Variants in STK3 observed in about 807,000 individuals in gnomAD.
The protein encoded by STK3 is serine/threonine kinase 3.
In STK3, 41 loss-of-function variants were observed where a neutral mutation model predicts 58.0. That is an observed-to-expected ratio of 0.71 (90% confidence interval 0.55 to 0.92). The LOEUF is 0.92. Ranked by LOEUF, STK3 falls within the 40% of genes least tolerant of loss-of-function variation. STK3 has a pLI of 0.00. For missense variants in STK3, 479 were observed against 602.7 expected, an observed-to-expected ratio of 0.79 and a Z score of 2.15; for synonymous variants, 170 against 191.0, an observed-to-expected ratio of 0.89 and a Z score of 0.91.
At chr8:98,759,320 A>C (rs1482653076) in intron 3 of STK3, among the ~76,000 whole-genome samples, 1 of 151,550 alleles carries the variant, frequency 6.6e-6, no homozygotes, top group African/African-American at 2.4e-5. Flanking sequence ...TTGTGTCTCA[A>C]GGAATAGGAA....
intron 2 of STK3, among the ~76,000 whole-genome samples, chr8:98,373,978 G>A (rs900256486): frequency 2.6e-5 from 4 of 152,124 alleles, no homozygotes; most frequent in Non-Finnish European, 5.9e-5. Flanking sequence ...GATTTATGGA[G>A]GCCTCTGTTT....
intron 10 of STK3, among the ~76,000 whole-genome samples, chr8:98,514,137 C>T (rs762174410): frequency 3.9e-5 from 6 of 152,048 alleles, no homozygotes; most frequent in Non-Finnish European, 8.8e-5. Flanking sequence ...AAGAATTAGA[C>T]CTAGGAGGGG....
chr8:98,504,281 G>T (rs1289191408), intron 10 of STK3, among the ~76,000 whole-genome samples: 2 of 152,112 alleles, frequency 1.3e-5, no homozygotes, highest in Non-Finnish European at 2.9e-5. Context: ...GCCTATGTGT[G>T]TCTCTGCATG....
chr8:98,349,045 C>T, the STK3 span, among the ~76,000 whole-genome samples: 1 of 152,190 alleles, frequency 6.6e-6, no homozygotes, highest in Non-Finnish European at 1.5e-5. Context: ...AATGGTGGTA[C>T]ATCCAGACAA....
intron 1 of STK3, among the ~76,000 whole-genome samples, chr8:98,930,205 G>A (rs1406049258): frequency 6.6e-6 from 1 of 152,158 alleles, no homozygotes; most frequent in African/African-American, 2.4e-5. Context: ...CCCTGGGGAG[G>A]AGGGGAAGGC....
At chr8:98,684,623 T>C (rs1563886743) in intron 6 of STK3, among the ~76,000 whole-genome samples, 4 of 152,174 alleles carry the variant, frequency 2.6e-5, no homozygotes, top group Admixed American at 1.3e-4. Context: ...AAGAACTCTG[T>C]GAAGTAGATG....
intron 7 of STK3, among the ~76,000 whole-genome samples, chr8:98,585,949 A>T (rs2131773943): frequency 6.6e-6 from 1 of 152,224 alleles, no homozygotes; most frequent in Middle Eastern, 3.4e-3. Flanking sequence ...TTGATTTTGT[A>T]TCCTGAAACT....
intron 10 of STK3, among the ~76,000 whole-genome samples, chr8:98,525,236 C>A (rs1230882023): frequency 6.6e-6 from 1 of 152,070 alleles, no homozygotes; most frequent in Non-Finnish European, 1.5e-5. Flanking sequence ...CACACGGACA[C>A]AGAGTGCGGA....
intron 10 of STK3, among the ~76,000 whole-genome samples, chr8:98,476,960 C>G (rs1748709792): frequency 6.6e-6 from 1 of 152,206 alleles, no homozygotes. Flanking sequence ...TGCAAGAACT[C>G]TCTGACCTTT....
At chr8:98,509,459 T>G (rs548887724) in intron 10 of STK3, among the ~76,000 whole-genome samples, 1 of 152,056 alleles carries the variant, frequency 6.6e-6, no homozygotes, top group East Asian at 1.9e-4. Context: ...ATGACTATTG[T>G]GCAGATTATT....
At chr8:98,901,062 T>C (rs540882313) in intron 1 of STK3, among the ~76,000 whole-genome samples, 105 of 152,366 alleles carry the variant, frequency 6.9e-4, no homozygotes, top group African/African-American at 2.4e-3. Context: ...TTAGCATCTT[T>C]AATCACAAAA....
At chr8:98,484,720 T>A (rs1554600520) in intron 10 of STK3, among the ~76,000 whole-genome samples, 1 of 152,044 alleles carries the variant, frequency 6.6e-6, no homozygotes, top group Non-Finnish European at 1.5e-5. Flanking sequence ...GTGCAGTTAA[T>A]AAGGATTAGA....
intron 6 of STK3, chr8:98,597,627 G>T: frequency 1.0e-6 from 1 of 985,382 alleles, no homozygotes; most frequent in Non-Finnish European, 1.2e-6. Flanking sequence ...ATTGCCACAA[G>T]ATGAATCTGC....
At chr8:98,935,652 T>C (rs1265530800) in intron 1 of STK3, among the ~76,000 whole-genome samples, 1 of 152,170 alleles carries the variant, frequency 6.6e-6, no homozygotes, top group African/African-American at 2.4e-5. Flanking sequence ...AATGTAGACA[T>C]TTTCTCTTGG....
Position 98,800,811 on chromosome 8 carries a change from C to T in STK3, c.26+24704G>A, listed in dbSNP as rs191586026. Among the ~76,000 whole-genome samples the T allele has an allele frequency of 4.6e-5, 7 of 152,358 alleles. No individual in the cohort carries two copies. In the East Asian group the frequency reaches 7.7e-4, roughly 17 times the overall value. The stretch of plus-strand genomic sequence containing the variant: ...CTGAGCTCGAATTCTTGCCAGGCCT[C>T]AGCCACCTCCCCACAGGGCAGGGCT... On this transcript the variant is annotated intron_variant, in intron 1 of 10. Transcript: ENST00000419617. The surrounding 1 kb of genome is among the most constrained non-coding windows in gnomAD (Gnocchi z 4.8).
the STK3 span, among the ~76,000 whole-genome samples, chr8:98,354,284 C>T: frequency 1.3e-5 from 2 of 152,180 alleles, no homozygotes; most frequent in Non-Finnish European, 2.9e-5. Flanking sequence ...TTAGGAAGGG[C>T]TTCTTGGGCA....
At chr8:98,417,752 A>G (rs1818131112) in intron 3 of STK3, among the ~76,000 whole-genome samples, 1 of 152,158 alleles carries the variant, frequency 6.6e-6, no homozygotes, top group Non-Finnish European at 1.5e-5. Flanking sequence ...TAAGTGCCCA[A>G]TAAATGCTAG....
chr8:98,697,774 C>G (rs574837945), intron 6 of STK3, among the ~76,000 whole-genome samples: 1 of 152,200 alleles, frequency 6.6e-6, no homozygotes, highest in East Asian at 1.9e-4. Context: ...AGCTTTACTT[C>G]CTGTTCCAAA....
chr8:98,368,770 G>A (rs1055219992), downstream of STK3, among the ~76,000 whole-genome samples: 1 of 152,192 alleles, frequency 6.6e-6, no homozygotes, highest in African/African-American at 2.4e-5. Context: ...TGCCATCTTG[G>A]AGGCAGCAGA....
Sources: allele counts gnomAD v4.1 joint callset (sites outside exome capture counted in the v4.1 genomes callset), GRCh38; gene constraint gnomAD v4.1.1; non-coding constraint Gnocchi (gnomAD v3.1); transcripts MANE v1.5; gene names NCBI Gene and HGNC (gene_info 2026-07-23, HGNC 2026-07-21).